EHBP1: variants seen among roughly 807,000 people sequenced by gnomAD.
The protein encoded by EHBP1 is EH domain-binding protein 1.
A neutral mutation model predicts 144.0 loss-of-function variants in EHBP1; 55 were observed. The ratio of observed to expected loss-of-function variants is 0.38; its 90% confidence interval spans 0.31 to 0.48. The LOEUF (loss-of-function observed/expected upper bound fraction) is 0.48, where lower values mean the gene tolerates loss of function less well. Among genes scored for constraint, EHBP1 ranks in the 20% least tolerant of loss-of-function variants. The probability of loss-of-function intolerance (pLI) is 0.98; values close to 1 mark genes in which losing one functional copy is unlikely to be tolerated. For missense variants in EHBP1, 1,200 were observed against 1,364.2 expected, an observed-to-expected ratio of 0.88 and a Z score of 1.90; for synonymous variants, 469 against 472.7, an observed-to-expected ratio of 0.99 and a Z score of 0.10.
At chr2:62,849,650 A>G (rs947560112) in intron 7 of EHBP1, among the ~76,000 whole-genome samples, 21 of 152,240 alleles carry the variant, frequency 1.4e-4, no homozygotes, top group African/African-American at 5.1e-4. Flanking sequence ...AGAATATTTT[A>G]TATCCTCCTG....
At chr2:63,002,576 G>T (rs112255185) in intron 19 of EHBP1, among the ~76,000 whole-genome samples, 1 of 151,976 alleles carries the variant, frequency 6.6e-6, no homozygotes, top group Non-Finnish European at 1.5e-5. Flanking sequence ...TTTCTGGAGG[G>T]TTTACTTATG....
At chr2:62,998,062 CT>C (rs1321920856) in intron 19 of EHBP1, among the ~76,000 whole-genome samples, 2 of 152,076 alleles carry the variant, frequency 1.3e-5, no homozygotes, top group Non-Finnish European at 2.9e-5. Context: ...AAAACTATTA[CT>C]TAATCTTCTC....
At chr2:62,940,179 T>C (rs910856044) in intron 10 of EHBP1, 27 of 359,102 alleles carry the variant, frequency 7.5e-5, no homozygotes, top group South Asian at 7.1e-4. Context: ...CAGAAGAGCA[T>C]CCGCAAGCAG....
intron 19 of EHBP1, among the ~76,000 whole-genome samples, chr2:63,012,865 C>T (rs1312559771): frequency 2.0e-5 from 3 of 152,000 alleles, no homozygotes; most frequent in Admixed American, 1.3e-4. Context: ...TAAATTCATC[C>T]CCAAAGACCT....
At chr2:62,751,768 G>C (rs1171186386) in intron 3 of EHBP1, among the ~76,000 whole-genome samples, 3 of 152,104 alleles carry the variant, frequency 2.0e-5, no homozygotes, top group African/African-American at 7.2e-5. Context: ...TAGTTTATTT[G>C]TGTAGAGGTG....
At chr2:62,783,516 G>T (rs1336827872) in intron 5 of EHBP1, among the ~76,000 whole-genome samples, 2 of 152,272 alleles carry the variant, frequency 1.3e-5, no homozygotes, top group Non-Finnish European at 2.9e-5. Flanking sequence ...CTAGGTGGAG[G>T]TTTCTAATCC....
intron 1 of EHBP1, among the ~76,000 whole-genome samples, chr2:62,694,366 T>C (rs2034008924): frequency 6.6e-6 from 1 of 152,146 alleles, no homozygotes; most frequent in African/African-American, 2.4e-5. Context: ...AGGAATGATA[T>C]CTTATATCTT....
chr2:62,790,733 G>A (rs941289187), intron 5 of EHBP1, among the ~76,000 whole-genome samples: 6 of 152,048 alleles, frequency 3.9e-5, no homozygotes, highest in Non-Finnish European at 7.4e-5. Flanking sequence ...TGGCTTTGCA[G>A]ACAAGTTGAC....
intron 10 of EHBP1, among the ~76,000 whole-genome samples, chr2:62,941,031 A>G (rs2056726759): frequency 6.6e-6 from 1 of 152,182 alleles, no homozygotes; most frequent in South Asian, 2.1e-4. Context: ...TATCTGGCCC[A>G]TGTATGTATT....
At chr2:62,796,128 A>G (rs931538991) in intron 5 of EHBP1, among the ~76,000 whole-genome samples, 3 of 151,966 alleles carry the variant, frequency 2.0e-5, no homozygotes, top group African/African-American at 7.2e-5. Flanking sequence ...ATCAGGATAA[A>G]AATGGAGCTT....
chr2:62,783,793 G>A (rs2042621104), intron 5 of EHBP1, among the ~76,000 whole-genome samples: 1 of 152,212 alleles, frequency 6.6e-6, no homozygotes, highest in Non-Finnish European at 1.5e-5. Context: ...ATGAACTGGG[G>A]ACATTTTCCC....
intron 10 of EHBP1, among the ~76,000 whole-genome samples, chr2:62,881,939 G>T (rs1201636830): frequency 6.6e-6 from 1 of 152,148 alleles, no homozygotes; most frequent in African/African-American, 2.4e-5. Context: ...ATAAAGGAAA[G>T]ATTACAAGTC....
In EHBP1 at chr2:63,038,602, T is replaced by G. The variant is rs537215531; in HGVS notation, c.3204-141T>G. Reference sequence around the variant, plus strand: ...ATTCGACTGAGGAAGGTTTTAGGTTTGTGTATCATTCATTTGGAGTGGCTT... The same window carrying G: ...ATTCGACTGAGGAAGGTTTTAGGTTGGTGTATCATTCATTTGGAGTGGCTT... On this transcript the variant is annotated intron_variant, in intron 20 of 22. Transcript: ENST00000431489. 7 of 646,464 alleles carry G rather than the reference T, an allele frequency of 1.1e-5. No individual in the cohort carries two copies. The South Asian group carries it at 1.4e-4, about 13-fold the overall frequency. 40.0% of individuals were successfully genotyped at this position (646,464 alleles called of 1,614,324 possible). A position where few individuals can be genotyped will look rare whatever the true frequency, so the allele number is the denominator to read the frequency against.
At chr2:62,678,138 A>G (rs1212589254) in intron 1 of EHBP1, among the ~76,000 whole-genome samples, 1 of 152,122 alleles carries the variant, frequency 6.6e-6, no homozygotes, top group African/African-American at 2.4e-5. Context: ...CCTCACCAGC[A>G]TTTGTTATTG....
intron 2 of EHBP1, among the ~76,000 whole-genome samples, chr2:62,731,519 A>G (rs1448286628): frequency 6.6e-6 from 1 of 152,188 alleles, no homozygotes; most frequent in African/African-American, 2.4e-5. Flanking sequence ...ACTGTTAAGT[A>G]TAACGTTATC....
intron 9 of EHBP1, among the ~76,000 whole-genome samples, chr2:62,869,026 A>G (rs1489054458): frequency 2.6e-5 from 4 of 152,202 alleles, no homozygotes; most frequent in Non-Finnish European, 4.4e-5. Flanking sequence ...ACAAATGAAA[A>G]TATTGTATAG....
At chr2:62,741,789 A>G (rs1376240570) in intron 2 of EHBP1, among the ~76,000 whole-genome samples, 2 of 152,180 alleles carry the variant, frequency 1.3e-5, no homozygotes, top group African/African-American at 2.4e-5. Flanking sequence ...GAAAAAAACC[A>G]ATAGAAATAA....
chr2:62,771,568 G>A, intron 5 of EHBP1, 176 bp downstream of exon 5: 3 of 506,632 alleles, frequency 5.9e-6, no homozygotes, highest in Non-Finnish European at 1.0e-5. Flanking sequence ...TTATTTGTAA[G>A]AAATGCTTTT....
chr2:63,010,082 G>T (rs1462475635), intron 19 of EHBP1, among the ~76,000 whole-genome samples: 1 of 151,398 alleles, frequency 6.6e-6, no homozygotes, highest in Non-Finnish European at 1.5e-5. Flanking sequence ...GCCACTTGGA[G>T]CAAGGAAGGC....
Sources: allele counts gnomAD v4.1 joint callset (sites outside exome capture counted in the v4.1 genomes callset), GRCh38; gene constraint gnomAD v4.1.1; transcripts MANE v1.5; gene names NCBI Gene and HGNC (gene_info 2026-07-23, HGNC 2026-07-21).